Variants in WDFY4 observed in about 807,000 individuals in gnomAD.
The protein encoded by WDFY4 is WD repeat- and FYVE domain-containing protein 4.
A neutral mutation model predicts 351.9 loss-of-function variants in WDFY4; 169 were observed. The observed-to-expected ratio is 0.48, with a 90% confidence interval of 0.42 to 0.55. The LOEUF (loss-of-function observed/expected upper bound fraction) is 0.55. Among genes scored for constraint, WDFY4 ranks in the 20% least tolerant of loss-of-function variants. The probability of loss-of-function intolerance (pLI) is 0.00; values close to 1 mark genes in which losing one functional copy is unlikely to be tolerated. For synonymous variants in WDFY4, 1,622 were observed against 1,574.6 expected (o/e 1.03, Z -0.71); for missense variants, 3,803 against 3,935.6 (o/e 0.97, Z 0.90).
rs768610772 is a variant in WDFY4 at position 48,974,908 on chromosome 10, T to A, written c.8975T>A (p.Val2992Asp). 17 of 1,551,070 alleles carry A rather than the reference T, an allele frequency of 1.1e-5. No individual in the cohort carries two copies. The highest frequency in any genetic ancestry group is 1.4e-5 in the Non-Finnish European group (16 of 1,146,644). The change falls in exon 58 of 62, where the codon GTC becomes GAC. Residue 2992 changes from valine (V) to aspartate (D), a missense_variant. Transcript: ENST00000325239. ...TQAVTCLAASVTFSLLVSGSQ... is the reference protein window; with the variant it reads ...TQAVTCLAASDTFSLLVSGSQ... Reference sequence around the variant, plus strand: ...GCTGTCACGTGCCTGGCAGCGTCAGTCACCTTCAGCCTCCTGGTGAGCGGC... The same window carrying A: ...GCTGTCACGTGCCTGGCAGCGTCAGACACCTTCAGCCTCCTGGTGAGCGGC...
chr10:48,943,488 G>T (rs1469322476), intron 49 of WDFY4, 39 bp downstream of exon 49: 2 of 1,541,346 alleles, frequency 1.3e-6, no homozygotes, highest in Non-Finnish European at 1.8e-6. Context: ...GCCCTCAGGT[G>T]TTCGGACGTT....
chr10:48,913,525 G>C (rs765042329), intron 47 of WDFY4: 2 of 1,613,814 alleles, frequency 1.2e-6, no homozygotes, highest in Admixed American at 1.7e-5. Flanking sequence ...CATTTTCTCA[G>C]GCAAGCCGCA....
chr10:48,729,340 C>T, intron 7 of WDFY4, 92 bp from the exon 8 acceptor site: 1 of 1,488,992 alleles, frequency 6.7e-7, no homozygotes, highest in Non-Finnish European at 9.0e-7. Flanking sequence ...GCTTGCAGAT[C>T]CCCATTGGCT....
At chr10:48,899,959 G>T (rs950651740) in intron 45 of WDFY4, among the ~76,000 whole-genome samples, 2 of 152,114 alleles carry the variant, frequency 1.3e-5, no homozygotes, top group African/African-American at 4.8e-5. Flanking sequence ...TCTGCTTCAC[G>T]CTTGCCCTGG....
intron 47 of WDFY4, among the ~76,000 whole-genome samples, chr10:48,911,893 C>T (rs1294475120): frequency 6.6e-6 from 1 of 152,142 alleles, no homozygotes; most frequent in Non-Finnish European, 1.5e-5. Context: ...CTAAGCATTA[C>T]AAGAGGAAGT....
chr10:48,743,441 G>A lies in WDFY4; in HGVS notation c.2352G>A (p.Leu784=). The stretch of plus-strand genomic sequence containing the variant: ...GCACCCTCCACTTGCGTGGGGACCT[G>A]AAGGAGTCCCTGAGGACCAAGCAGG... ...ASGTLHLRGD[L]KESLRTKQGP... Residue 784 remains leucine, a synonymous_variant, in exon 12 of 62, where the codon CTG becomes CTA. Transcript: ENST00000325239. The A allele has an allele frequency of 1.3e-6, 2 of 1,550,824 alleles. No homozygotes were observed. Among genetic ancestry groups the A allele is most frequent in the Non-Finnish European group, 1.7e-6 (2 of 1,146,988 alleles).
At chr10:48,939,496 T>C (rs1231348246) in intron 47 of WDFY4, among the ~76,000 whole-genome samples, 2 of 152,208 alleles carry the variant, frequency 1.3e-5, no homozygotes, top group Non-Finnish European at 2.9e-5. Context: ...GCCAGAGCTC[T>C]TTCTCAGGCT....
chr10:48,690,604 G>A (rs34027341), intron 1 of WDFY4, among the ~76,000 whole-genome samples: 12,410 of 152,214 alleles, frequency 0.082, 668 homozygotes, highest in African/African-American at 0.14. Context: ...TCTCAGCAGA[G>A]GGGATATGTC....
intron 55 of WDFY4, chr10:48,968,203 G>C (rs1036030045): frequency 2.6e-5 from 4 of 152,296 alleles, no homozygotes. Context: ...ACAGTGCCAT[G>C]AAGTGGTGTC....
intron 40 of WDFY4, among the ~76,000 whole-genome samples, chr10:48,870,685 T>C (rs566271185): frequency 1.6e-4 from 25 of 152,332 alleles, no homozygotes; most frequent in African/African-American, 5.8e-4. Flanking sequence ...GGCCTTACAC[T>C]GTGCAGAAAC....
chr10:48,979,831 A>C (rs185599980), intron 60 of WDFY4: 1 of 152,334 alleles, frequency 6.6e-6, no homozygotes, highest in East Asian at 1.9e-4. Context: ...TCTAGACCCA[A>C]CTCTGTCACA....
intron 34 of WDFY4, among the ~76,000 whole-genome samples, chr10:48,822,010 G>A (rs2067839943): frequency 6.6e-6 from 1 of 152,152 alleles, no homozygotes; most frequent in Admixed American, 6.5e-5. Context: ...GAGCATAGAT[G>A]GATAATGACA....
chr10:48,797,484 T>C (rs1377196137), intron 24 of WDFY4, among the ~76,000 whole-genome samples: 2 of 152,246 alleles, frequency 1.3e-5, no homozygotes, highest in Non-Finnish European at 2.9e-5. Context: ...GGATGCATTC[T>C]CTTACAGTAT....
At chr10:48,707,154 C>T (rs564590515) in intron 1 of WDFY4, among the ~76,000 whole-genome samples, 1 of 152,260 alleles carries the variant, frequency 6.6e-6, no homozygotes, top group South Asian at 2.1e-4. Flanking sequence ...AAAAGGCTAA[C>T]AGGCATGTAA....
intron 55 of WDFY4, chr10:48,968,791 G>T (rs1842202065): frequency 4.4e-6 from 2 of 451,938 alleles, no homozygotes; most frequent in Non-Finnish European, 8.1e-6. Context: ...GCTGGGGGTG[G>T]CTCCCAGAGT....
rs771207501 is a variant in WDFY4, at chr10:48,828,783, C to A, written c.6227C>A (p.Pro2076Gln). ...AAAAATCTCTTATCCACTAGTTACC[C>A]AGAAGGATTTGGATTGGAGCCCAAG... Reference protein sequence around the residue: ...CLLLLNERSYPEGFGLEPKPR... With the variant: ...CLLLLNERSYQEGFGLEPKPR... The change falls in exon 37 of 62, where the codon CCA (proline) becomes CAA (glutamine). Residue 2076 changes from proline (P) to glutamine (Q), a missense_variant. Coordinates refer to ENST00000325239, the MANE Select transcript of WDFY4 (RefSeq NM_001394531.1). 1 of 1,540,844 alleles carries A rather than the reference C, an allele frequency of 6.5e-7. No homozygotes were observed.
chr10:48,729,673 G>T (rs1002297998), intron 8 of WDFY4, 84 bp downstream of exon 8: 53 of 1,487,726 alleles, frequency 3.6e-5, no homozygotes, highest in South Asian at 2.3e-4. Flanking sequence ...CTGATTCTTT[G>T]TGTACCTTTC....
At chr10:48,936,199 TA>T (rs1177423590) in intron 47 of WDFY4, among the ~76,000 whole-genome samples, 3 of 151,954 alleles carry the variant, frequency 2.0e-5, no homozygotes, top group Non-Finnish European at 2.9e-5. Context: ...AATTTAGAAA[TA>T]AAAACAAAAC....
intron 43 of WDFY4, among the ~76,000 whole-genome samples, chr10:48,888,982 T>A: frequency 6.6e-6 from 1 of 152,244 alleles, no homozygotes; most frequent in East Asian, 1.9e-4. Flanking sequence ...GTATATCTTG[T>A]CCACCTTATC....
Sources: allele counts gnomAD v4.1 joint callset (sites outside exome capture counted in the v4.1 genomes callset), GRCh38; gene constraint gnomAD v4.1.1; transcripts MANE v1.5; gene names NCBI Gene and HGNC (gene_info 2026-07-23, HGNC 2026-07-21).